The following PCBD2 variants were observed in gnomAD, a reference collection of about 807,000 sequenced individuals.
PCBD2 encodes the protein pterin-4 alpha-carbinolamine dehydratase 2, also known as pterin-4-alpha-carbinolamine dehydratase 2.
A neutral mutation model predicts 16.4 loss-of-function variants in PCBD2; 12 were observed. The observed-to-expected ratio is 0.73, with a 90% CI of 0.47 to 1.19. PCBD2 has a LOEUF of 1.19. Ranked by LOEUF, PCBD2 falls within the 50% of genes most tolerant of loss-of-function variation. The pLI is 0.00. For missense variants in PCBD2, 138 were observed against 156.8 expected (o/e 0.88, Z 0.64); for synonymous variants, 58 against 61.8 (o/e 0.94, Z 0.29).
intron 2 of PCBD2, among the ~76,000 whole-genome samples, chr5:134,922,243 C>T (rs1750913228): frequency 6.6e-6 from 1 of 152,056 alleles, no homozygotes; most frequent in Non-Finnish European, 1.5e-5. Flanking sequence ...GGGTCTTGTT[C>T]GGTCACCCAG....
At chr5:134,933,151 C>A (rs921397395) in intron 2 of PCBD2, among the ~76,000 whole-genome samples, 8 of 152,120 alleles carry the variant, frequency 5.3e-5, no homozygotes, top group Non-Finnish European at 1.2e-4. Flanking sequence ...TATTTGGGAT[C>A]ATATTATAGA....
At chr5:134,959,585 G>A (rs1362274126) in intron 3 of PCBD2, among the ~76,000 whole-genome samples, 4 of 152,112 alleles carry the variant, frequency 2.6e-5, no homozygotes, top group African/African-American at 4.8e-5. Context: ...AAGTTTTGAG[G>A]GAACACAGTG....
At chr5:134,946,122 C>T (rs1313052095) in intron 2 of PCBD2, among the ~76,000 whole-genome samples, 1 of 150,602 alleles carries the variant, frequency 6.6e-6, no homozygotes, top group Non-Finnish European at 1.5e-5. Context: ...ACAAAAAATC[C>T]CTACTTTCCA....
At chr5:134,952,267 C>A (rs770845156) in intron 2 of PCBD2, among the ~76,000 whole-genome samples, 1 of 150,784 alleles carries the variant, frequency 6.6e-6, no homozygotes, top group African/African-American at 2.4e-5. Context: ...TATATTCTAT[C>A]GTATTAAGGA....
intron 2 of PCBD2, among the ~76,000 whole-genome samples, chr5:134,933,376 C>T (rs1751121090): frequency 6.6e-6 from 1 of 152,148 alleles, no homozygotes; most frequent in Non-Finnish European, 1.5e-5. Flanking sequence ...GCTGGGACTA[C>T]AGGCATGCGC....
At chr5:134,907,763 C>G (rs923287115) in intron 1 of PCBD2, among the ~76,000 whole-genome samples, 1 of 149,694 alleles carries the variant, frequency 6.7e-6, no homozygotes, top group Admixed American at 6.7e-5. Flanking sequence ...GCAGGGACTA[C>G]AGGCGCCTGC....
chr5:134,914,675 A>AT (rs1011685274), intron 2 of PCBD2, among the ~76,000 whole-genome samples: 131 of 142,920 alleles, frequency 9.2e-4, no homozygotes, highest in Admixed American at 1.0e-3. Flanking sequence ...GACATCATCT[A>AT]TTTTTTTTTT....
intron 1 of PCBD2, 135 bp downstream of exon 1, chr5:134,905,358 C>A: frequency 1.3e-6 from 1 of 758,088 alleles, no homozygotes; most frequent in Non-Finnish European, 1.8e-6. Context: ...GGCGTCGGGT[C>A]ACCGCGTCCC....
At chr5:134,916,842 C>A (rs1447734277) in intron 2 of PCBD2, among the ~76,000 whole-genome samples, 2 of 152,178 alleles carry the variant, frequency 1.3e-5, no homozygotes. Flanking sequence ...TGCAGTGCGT[C>A]AATGGACAGT....
Position 134,916,346 on chromosome 5 carries a change from A to G in PCBD2, c.216+5880A>G, listed in dbSNP as rs75293712. The stretch of plus-strand genomic sequence containing the variant: ...AAATTCATTTTGTTTGTATTGCTCA[A>G]TAGGTTATGAGCATTTTTCAGTTCT... On this transcript the variant is annotated intron_variant, in intron 2 of 3. Coordinates refer to ENST00000254908, the MANE Select transcript of PCBD2 (RefSeq NM_032151.5). Among the ~76,000 whole-genome samples the G allele has an allele frequency of 3.4e-3, 521 of 152,334 alleles. 9 individuals are homozygous for G. In the East Asian group the frequency reaches 0.038, roughly 11 times the overall value.
At chr5:134,940,759 A>G (rs941481546) in intron 2 of PCBD2, among the ~76,000 whole-genome samples, 25 of 152,234 alleles carry the variant, frequency 1.6e-4, no homozygotes, top group African/African-American at 6.0e-4. Context: ...CTTTTGGACA[A>G]GTGCAGGGGC....
intron 1 of PCBD2, among the ~76,000 whole-genome samples, chr5:134,909,706 A>G (rs760397405): frequency 2.6e-5 from 4 of 152,214 alleles, no homozygotes; most frequent in Non-Finnish European, 5.9e-5. Flanking sequence ...TAGACTTGCC[A>G]CAAGTCCTAG....
At chr5:134,916,721 T>G (rs945876323) in intron 2 of PCBD2, among the ~76,000 whole-genome samples, 2 of 152,250 alleles carry the variant, frequency 1.3e-5, no homozygotes, top group African/African-American at 2.4e-5. Context: ...ACTTGGAGAT[T>G]ATAAGTACGG....
At chr5:134,949,804 C>G (rs544693375) in intron 2 of PCBD2, among the ~76,000 whole-genome samples, 2 of 152,310 alleles carry the variant, frequency 1.3e-5, no homozygotes, top group South Asian at 2.1e-4. Flanking sequence ...TGATAAGTCA[C>G]CAACACCAGG....
At chr5:134,949,148 C>T in intron 2 of PCBD2, among the ~76,000 whole-genome samples, 1 of 152,078 alleles carries the variant, frequency 6.6e-6, no homozygotes, top group East Asian at 1.9e-4. Context: ...CATGAGTCAC[C>T]TGCTTGGCTG....
chr5:134,942,408 C>CAGTAA (rs1025863961), intron 2 of PCBD2, among the ~76,000 whole-genome samples: 2 of 152,002 alleles, frequency 1.3e-5, no homozygotes, highest in African/African-American at 4.8e-5. Flanking sequence ...CACAGGGCTG[C>CAGTAA]AGTAAGTACC....
intron 2 of PCBD2, among the ~76,000 whole-genome samples, chr5:134,949,499 G>T (rs1318765693): frequency 1.3e-5 from 2 of 152,234 alleles, no homozygotes; most frequent in East Asian, 3.9e-4. Flanking sequence ...CTTTTCTGAG[G>T]TCATATAGCT....
intron 2 of PCBD2, among the ~76,000 whole-genome samples, chr5:134,915,187 C>T (rs868709182): frequency 7.9e-5 from 12 of 151,906 alleles, no homozygotes; most frequent in South Asian, 2.1e-4. Context: ...TGGTGGCGTG[C>T]GCCTGTAATC....
intron 2 of PCBD2, chr5:134,925,572 AT>A: frequency 2.5e-6 from 1 of 398,116 alleles, no homozygotes; most frequent in Non-Finnish European, 4.4e-6. Flanking sequence ...TTTTGATGTC[AT>A]TTTGTGTAAG....
Sources: gnomAD v4.1 joint callset for allele counts (sites outside exome capture counted in the v4.1 genomes callset) on GRCh38, gnomAD v4.1.1 for gene constraint, MANE v1.5 for transcripts, NCBI Gene and HGNC (gene_info 2026-07-23, HGNC 2026-07-21) for gene names.